Variants in CSNK1G2 observed in about 807,000 individuals in gnomAD.
The protein encoded by CSNK1G2 is casein kinase I isoform gamma-2.
In CSNK1G2, 11 loss-of-function variants were observed where a neutral mutation model predicts 48.0. The ratio of observed to expected loss-of-function variants is 0.23; its 90% confidence interval spans 0.14 to 0.38. The LOEUF is 0.38. Among genes scored for constraint, CSNK1G2 ranks in the 10% least tolerant of loss-of-function variants. The pLI is 1.00. For synonymous variants in CSNK1G2, 337 were observed against 254.1 expected (o/e 1.33, Z -3.10); for missense variants, 446 against 595.5 (o/e 0.75, Z 2.61).
At chr19:1,954,051 C>T in intron 1 of CSNK1G2, 1 of 521,878 alleles carries the variant, frequency 1.9e-6, no homozygotes, top group South Asian at 1.4e-5. Flanking sequence ...GCGTTCACTC[C>T]TCAGCTTCCT....
intron 1 of CSNK1G2, among the ~76,000 whole-genome samples, chr19:1,960,490 A>G (rs2015162305): frequency 1.3e-5 from 2 of 151,864 alleles, no homozygotes; most frequent in Admixed American, 6.6e-5. Context: ...TGGATCTCAC[A>G]CCCGGCTCTG....
chr19:1,971,919 G>A (rs530012739), intron 2 of CSNK1G2, among the ~76,000 whole-genome samples: 39 of 152,176 alleles, frequency 2.6e-4, no homozygotes, highest in South Asian at 4.1e-4. Context: ...ACAGGCGCCC[G>A]CCACCACACC....
Position 1,979,935 on chromosome 19 carries a change from C to G in CSNK1G2, c.1111C>G (p.Leu371Val), listed in dbSNP as rs776145417. Reference sequence around the variant, plus strand: ...GGCGTTGAACTCCACCAACGGGGAGCTGAATGCGGACGACCCCACGGCCGG... The same window carrying G: ...GGCGTTGAACTCCACCAACGGGGAGGTGAATGCGGACGACCCCACGGCCGG... ...NQALNSTNGE[L>V]NADDPTAGHS... Residue 371 changes from leucine (L) to valine (V), a missense_variant, in exon 11 of 12, where the codon CTG becomes GTG. Around this residue, in one of 2 missense-constraint regions of CSNK1G2, gnomAD observed 188 missense variants for 179.6 expected, o/e 1.05. Transcript: ENST00000255641. The G allele has an allele frequency of 1.2e-6, 2 of 1,604,586 alleles. No individual in the cohort carries two copies. Among genetic ancestry groups the G allele is most frequent in the Non-Finnish European group, 8.5e-7 (1 of 1,175,310 alleles).
intron 1 of CSNK1G2, chr19:1,954,179 CGG>C: frequency 2.5e-6 from 1 of 400,700 alleles, no homozygotes; most frequent in Non-Finnish European, 5.0e-6. Context: ...GTCCTGGCCG[CGG>C]CAGCTCCTGC....
At chr19:1,975,182 A>T in intron 2 of CSNK1G2, 1 of 985,468 alleles carries the variant, frequency 1.0e-6, no homozygotes, top group South Asian at 4.7e-5. Flanking sequence ...GCCCATCAAG[A>T]CGCTGCCAAG....
Position 1,951,720 on chromosome 19 carries a change from G to A in CSNK1G2, c.-266+10302G>A, listed in dbSNP as rs1158122224. Among the ~76,000 whole-genome samples, 8 of 143,900 alleles carry A rather than the reference G, an allele frequency of 5.6e-5. 2 individuals are homozygous for A. The highest frequency in any genetic ancestry group is 9.0e-5 in the Non-Finnish European group (6 of 66,674). The allele number at this position is 143,900 out of a possible 152,430, so 94.4% of individuals were successfully genotyped here. The stretch of plus-strand genomic sequence containing the variant: ...TTTGGAGACAGAGTCTCACTGTGTC[G>A]CCCAGGCTGGAGTGCAGTGGTGTGA... On this transcript the variant is annotated intron_variant, in intron 1 of 11. Coordinates refer to ENST00000255641, the MANE Select transcript of CSNK1G2 (RefSeq NM_001319.7).
In CSNK1G2 at chr19:1,951,123, C is replaced by T. The variant is rs1168580088; in HGVS notation, c.-266+9705C>T. Among the ~76,000 whole-genome samples the T allele has an allele frequency of 3.4e-5, 5 of 145,306 alleles. 1 individual carries two copies. Among genetic ancestry groups the T allele is most frequent in the African/African-American group, 1.1e-4 (4 of 37,732 alleles). On this transcript the variant is annotated intron_variant, in intron 1 of 11. Transcript: ENST00000255641. ...CTGGTTTATAAAAATCAAAGATGGC[C>T]AGGCACGGTGGCTCACGCCTGTAAT... is the stretch of plus-strand genomic sequence containing the variant.
At chr19:1,949,594 C>T (rs559345702) in intron 1 of CSNK1G2, among the ~76,000 whole-genome samples, 4 of 152,368 alleles carry the variant, frequency 2.6e-5, no homozygotes, top group Non-Finnish European at 4.4e-5. Flanking sequence ...GTGTCCGGTT[C>T]CCGTGTGGCT....
chr19:1,960,138 C>G (rs75212625), intron 1 of CSNK1G2, among the ~76,000 whole-genome samples: 1 of 152,288 alleles, frequency 6.6e-6, no homozygotes, highest in African/African-American at 2.4e-5. Context: ...CTACCACAGC[C>G]GAATGTCTGC....
At chr19:1,977,910 G>A (rs1443865654) in intron 2 of CSNK1G2, among the ~76,000 whole-genome samples, 1 of 152,194 alleles carries the variant, frequency 6.6e-6, no homozygotes, top group East Asian at 1.9e-4. Context: ...TCTGTGCTGG[G>A]GCTCACCTGG....
chr19:1,943,448 C>T (rs1482360578), intron 1 of CSNK1G2, among the ~76,000 whole-genome samples: 1 of 152,170 alleles, frequency 6.6e-6, no homozygotes, highest in East Asian at 1.9e-4. Context: ...TTCTTCTTTT[C>T]TTCTCCTCCT....
At chr19:1,961,201 A>T (rs533434437) in intron 1 of CSNK1G2, among the ~76,000 whole-genome samples, 1 of 152,234 alleles carries the variant, frequency 6.6e-6, no homozygotes, top group Admixed American at 6.5e-5. Flanking sequence ...CGGTTGTGGC[A>T]TTCTCGCTGT....
chr19:1,975,185 C>T (rs2015711049), intron 2 of CSNK1G2: 1 of 985,492 alleles, frequency 1.0e-6, no homozygotes, highest in Non-Finnish European at 1.2e-6. Flanking sequence ...CATCAAGACG[C>T]TGCCAAGAGC....
intron 2 of CSNK1G2, chr19:1,975,506 C>T (rs2015722409): frequency 2.0e-6 from 2 of 985,494 alleles, no homozygotes; most frequent in African/African-American, 3.5e-5. Flanking sequence ...AAACCCCATC[C>T]TCCCTGTGAG....
rs549122433 is a variant in CSNK1G2, at chr19:1,950,835, G to A, written c.-266+9417G>A. Among the ~76,000 whole-genome samples, 7 of 146,830 alleles carry A rather than the reference G, an allele frequency of 4.8e-5. No homozygotes were observed. In the South Asian group the frequency reaches 8.8e-4, roughly 18 times the overall value. On this transcript the variant is annotated intron_variant, in intron 1 of 11. Coordinates refer to ENST00000255641, the MANE Select transcript of CSNK1G2 (RefSeq NM_001319.7). ...GGGGCATCCAGGAGGGAGGGGCTGC[G>A]GGAGTTTTGCTGGAGACCCTCCAGG...
At chr19:1,976,106 G>T (rs577735804) in intron 2 of CSNK1G2, 2 of 1,289,510 alleles carry the variant, frequency 1.6e-6, no homozygotes, top group South Asian at 2.5e-5. Context: ...AGGATGGACC[G>T]TGTGGCAGGT....
chr19:1,950,570 G>C (rs1270124292), intron 1 of CSNK1G2, among the ~76,000 whole-genome samples: 1 of 146,912 alleles, frequency 6.8e-6, no homozygotes, highest in East Asian at 2.1e-4. Context: ...CCGCTTTCCA[G>C]AGAAAATTGT....
At chr19:1,979,666 G>T in intron 9 of CSNK1G2, 23 bp downstream of exon 9, 2 of 1,601,706 alleles carry the variant, frequency 1.2e-6, no homozygotes, top group Non-Finnish European at 1.7e-6. Flanking sequence ...GTGCCGGTAT[G>T]TGGGAGCGGG....
In CSNK1G2 at chr19:1,975,698, G is replaced by A. The variant is rs919358171; in HGVS notation, c.188-2607G>A. The A allele has an allele frequency of 1.2e-5, 12 of 982,552 alleles. No homozygotes were observed. In the South Asian group the frequency reaches 4.7e-4, roughly 38 times the overall value. 60.9% of individuals were successfully genotyped at this position (982,552 alleles called of 1,614,324 possible). A position where few individuals can be genotyped will look rare whatever the true frequency, so the allele number is the denominator to read the frequency against. On this transcript the variant is annotated intron_variant, in intron 2 of 11. Transcript: ENST00000255641. Reference sequence around the variant, plus strand: ...CAGCTGATTCAGGGGGCAGTGTCCTGAGCTCTAAAACTTCAAACCTGGGGC... The same window carrying A: ...CAGCTGATTCAGGGGGCAGTGTCCTAAGCTCTAAAACTTCAAACCTGGGGC...
Sources: gnomAD v4.1 joint callset for allele counts (sites outside exome capture counted in the v4.1 genomes callset) on GRCh38, gnomAD v4.1.1 for gene constraint, gnomAD v4.1.1 regional missense constraint, MANE v1.5 for transcripts, NCBI Gene and HGNC (gene_info 2026-07-23, HGNC 2026-07-21) for gene names.